The following ZNF521 variants were observed in gnomAD, a reference collection of about 807,000 sequenced individuals.
ZNF521 encodes the protein LYST-interacting protein 3.
ZNF521 carries 14 observed loss-of-function variants against 105.5 expected under a neutral mutation model. The observed-to-expected ratio is 0.13, with a 90% CI of 0.09 to 0.21. The LOEUF is 0.21. Ranked by LOEUF, ZNF521 falls within the 10% of genes least tolerant of loss-of-function variation. The probability of loss-of-function intolerance (pLI) is 1.00; values close to 1 mark genes in which losing one functional copy is unlikely to be tolerated. For missense variants in ZNF521, 1,233 were observed against 1,629.7 expected (o/e 0.76, Z 4.19); for synonymous variants, 635 against 606.0 (o/e 1.05, Z -0.70).
At position 25,191,920 on chromosome 18, in the gene ZNF521, G is replaced by T. The variant is rs147516319; in HGVS notation, c.3658+3240C>A. 4.6e-3 allele frequency among the ~76,000 whole-genome samples: 698 copies of T among 152,166 alleles called. 6 individuals are homozygous for T. Among genetic ancestry groups the T allele is most frequent in the African/African-American group, 0.016 (674 of 41,518 alleles). ...CTATGCTGATTTCAGAAAAGAGAAG[G>T]GTGAATAGGAAATTAAAGCACGTAA... On this transcript the variant is annotated intron_variant, in intron 5 of 7. Coordinates refer to ENST00000361524, the MANE Select transcript of ZNF521 (RefSeq NM_015461.3).
At chr18:25,243,566 G>A (rs911559126) in intron 3 of ZNF521, among the ~76,000 whole-genome samples, 8 of 152,114 alleles carry the variant, frequency 5.3e-5, no homozygotes, top group African/African-American at 1.2e-4. Flanking sequence ...ATCCTTCTTC[G>A]TTTCCTTTCT....
At chr18:25,185,770 G>A (rs751522287) in intron 5 of ZNF521, among the ~76,000 whole-genome samples, 7 of 152,250 alleles carry the variant, frequency 4.6e-5, no homozygotes, top group East Asian at 1.9e-4. Flanking sequence ...AAACCTGAAC[G>A]CAGCATGGTG....
intron 3 of ZNF521, among the ~76,000 whole-genome samples, chr18:25,309,210 G>A (rs1021840822): frequency 6.6e-6 from 1 of 152,192 alleles, no homozygotes; most frequent in African/African-American, 2.4e-5. Flanking sequence ...CATAACCATC[G>A]CTTCAGTCCA....
Position 25,227,633 on chromosome 18 carries a change from A to C in ZNF521, c.285T>G (p.Asp95Glu). ...CTTCTCCATGGCTAGGGGAAGTCTG[A>C]TCCTTGCTAGAAGGTGAGGAAGCTG... ...SWPASSPSSK[D>E]QTSPSHGEGC... is the part of the protein sequence containing the mutation. Residue 95 changes from aspartate (D) to glutamate (E), a missense_variant, in exon 4 of 8, where the codon GAT (aspartate) becomes GAG (glutamate). Physicochemically the swap from Asp to Glu is conservative, Grantham distance 45. This residue lies in a region of ZNF521 where 85 missense variants were observed against 162.2 expected (regional missense o/e 0.52). Transcript: ENST00000361524. This position sits in a 1 kb window ranked among gnomAD's most constrained non-coding sequence, Gnocchi z 5.7. 1.2e-6 allele frequency: 2 copies of C among 1,614,082 alleles called. No homozygotes were observed. Among genetic ancestry groups the C allele is most frequent in the Non-Finnish European group, 1.7e-6 (2 of 1,180,002 alleles).
chr18:25,253,299 C>A (rs1194955671), intron 3 of ZNF521, among the ~76,000 whole-genome samples: 3 of 152,130 alleles, frequency 2.0e-5, no homozygotes, highest in Admixed American at 2.0e-4. Flanking sequence ...GGGCACCAGA[C>A]CCTTAACCCC....
At chr18:25,321,811 A>G (rs1176963674) in intron 3 of ZNF521, among the ~76,000 whole-genome samples, 197 bp downstream of exon 3, 1 of 152,232 alleles carries the variant, frequency 6.6e-6, no homozygotes, top group Admixed American at 6.5e-5. Context: ...GGTGCATTTC[A>G]AAATCTAAGA....
chr18:25,260,829 G>A (rs1010240364), intron 3 of ZNF521, among the ~76,000 whole-genome samples: 7 of 152,102 alleles, frequency 4.6e-5, no homozygotes, highest in South Asian at 2.1e-4. Context: ...ACTGATGCAC[G>A]TGGAAAGTAA....
At position 25,213,209 on chromosome 18, in the gene ZNF521, AATTAT is replaced by A. The variant is rs913565055; in HGVS notation, c.3573+11131_3573+11135del. Among the ~76,000 whole-genome samples the A allele has an allele frequency of 7.4e-5, 11 of 148,320 alleles. No homozygotes were observed. The South Asian group carries it at 1.3e-3, about 17-fold the overall frequency. ...AATGATAATATTATAGTTACATTAT[AATTAT>A]ATTATAAAATATATAACTATATAAT... On this transcript the variant is annotated intron_variant, in intron 4 of 7. Transcript: ENST00000361524.
chr18:25,230,692 G>T (rs1275972417), intron 3 of ZNF521, among the ~76,000 whole-genome samples: 1 of 152,060 alleles, frequency 6.6e-6, no homozygotes, highest in African/African-American at 2.4e-5. Context: ...GTCTTTCTGG[G>T]TGATGGCAAG....
chr18:25,130,093 G>A (rs2034613028), intron 5 of ZNF521, among the ~76,000 whole-genome samples: 1 of 152,146 alleles, frequency 6.6e-6, no homozygotes, highest in African/African-American at 2.4e-5. Flanking sequence ...CAACTAAGAT[G>A]TCTTTCAATA....
At chr18:25,273,312 T>C (rs1428636077) in intron 3 of ZNF521, among the ~76,000 whole-genome samples, 1 of 150,486 alleles carries the variant, frequency 6.6e-6, no homozygotes, top group African/African-American at 2.5e-5. Flanking sequence ...AAATAAATTT[T>C]GTTGCGCAGT....
At chr18:25,343,239 A>G (rs999534420) in intron 2 of ZNF521, among the ~76,000 whole-genome samples, 1 of 152,218 alleles carries the variant, frequency 6.6e-6, no homozygotes, top group Non-Finnish European at 1.5e-5. Flanking sequence ...TGGAAAGAGA[A>G]GGTAATAAAG....
intron 5 of ZNF521, among the ~76,000 whole-genome samples, chr18:25,125,320 G>A (rs954609714): frequency 6.6e-6 from 1 of 152,020 alleles, no homozygotes; most frequent in African/African-American, 2.4e-5. Context: ...CAATTCAACA[G>A]TTTGGCATTT....
chr18:25,274,772 GT>G (rs1235974019), intron 3 of ZNF521, among the ~76,000 whole-genome samples: 1 of 152,230 alleles, frequency 6.6e-6, no homozygotes, highest in Non-Finnish European at 1.5e-5. Flanking sequence ...GAAATAAGAT[GT>G]TGTGTCTAGT....
At chr18:25,277,047 G>A (rs1438274768) in intron 3 of ZNF521, among the ~76,000 whole-genome samples, 3 of 152,052 alleles carry the variant, frequency 2.0e-5, no homozygotes, top group African/African-American at 7.2e-5. Flanking sequence ...GCCGAGTGTG[G>A]TGGCACACGC....
At chr18:25,206,306 G>A (rs1422522226) in intron 4 of ZNF521, among the ~76,000 whole-genome samples, 4 of 152,016 alleles carry the variant, frequency 2.6e-5, no homozygotes, top group Non-Finnish European at 2.9e-5. Flanking sequence ...GAGCCACCGC[G>A]CCCGGCCCAT....
chr18:25,277,687 G>A (rs1217410388), intron 3 of ZNF521, among the ~76,000 whole-genome samples: 1 of 152,192 alleles, frequency 6.6e-6, no homozygotes, highest in Non-Finnish European at 1.5e-5. Context: ...GATCAGGTAA[G>A]TTAACATCTG....
At chr18:25,349,017 C>T (rs1363992106) in intron 2 of ZNF521, among the ~76,000 whole-genome samples, 1 of 152,036 alleles carries the variant, frequency 6.6e-6, no homozygotes, top group Non-Finnish European at 1.5e-5. Context: ...TCAGAAGCTG[C>T]GAGTGAACAA....
intron 7 of ZNF521, among the ~76,000 whole-genome samples, chr18:25,081,879 G>A (rs1344598529): frequency 6.6e-6 from 1 of 152,166 alleles, no homozygotes. Context: ...ATAACAAACT[G>A]AGGTTAGCTT....
Sources: allele counts gnomAD v4.1 joint callset (sites outside exome capture counted in the v4.1 genomes callset), GRCh38; gene constraint gnomAD v4.1.1; regional missense constraint gnomAD v4.1.1; non-coding constraint Gnocchi (gnomAD v3.1); transcripts MANE v1.5; gene names NCBI Gene and HGNC (gene_info 2026-07-23, HGNC 2026-07-21).